Variants in LEO1 observed in about 807,000 individuals in gnomAD.
The protein encoded by LEO1 is RNA polymerase-associated protein LEO1.
A neutral mutation model predicts 80.4 loss-of-function variants in LEO1; 34 were observed. That is an observed-to-expected ratio of 0.42 (90% CI 0.32 to 0.56). LEO1 has a LOEUF of 0.56. LEO1 is among the 20% of genes least tolerant of loss of function. The pLI is 0.10. For synonymous variants in LEO1, 262 were observed against 274.9 expected, an observed-to-expected ratio of 0.95 and a Z score of 0.46; for missense variants, 631 against 814.2, an observed-to-expected ratio of 0.77 and a Z score of 2.74.
chr15:51,961,483 C>T (rs1402982849), intron 3 of LEO1, among the ~76,000 whole-genome samples: 2 of 151,936 alleles, frequency 1.3e-5, no homozygotes, highest in Non-Finnish European at 2.9e-5. Flanking sequence ...ACCTCTGCCT[C>T]CCGAGCACAA....
chr15:51,949,836 A>C lies in LEO1; in HGVS notation c.1770T>G (p.Ile590Met). 6.2e-7 allele frequency: 1 copy of C among 1,613,662 alleles called. No homozygotes were observed. The highest frequency in any genetic ancestry group is 8.5e-7 in the Non-Finnish European group (1 of 1,179,988). Residue 590 changes from isoleucine to methionine, a missense_variant, in exon 10 of 12, where the codon ATT becomes ATG. By Grantham distance (10) the Ile-to-Met change is conservative. Around this residue, in one of 4 missense-constraint regions of LEO1, gnomAD observed 117 missense variants for 163.5 expected, o/e 0.72. Transcript: ENST00000299601. ...GAATGCCCCCTTTATATCGGTTTTT[A>C]ATGGCAGCCAAGCTGATGGACTCCT... Reference protein sequence around the residue: ...EGEESISLAAIKNRYKGGIRE... With the variant: ...EGEESISLAAMKNRYKGGIRE...
At chr15:51,952,875 T>C (rs576806634) in intron 8 of LEO1, among the ~76,000 whole-genome samples, 1 of 152,346 alleles carries the variant, frequency 6.6e-6, no homozygotes, top group East Asian at 1.9e-4. Flanking sequence ...ACCACTGGAA[T>C]TAAATACATT....
rs1317577249 is a variant in LEO1 at position 51,966,062 on chromosome 15, C to T, written c.501G>A (p.Arg167=). Residue 167 remains arginine (R), a synonymous_variant, in exon 2 of 12, where the codon AGG becomes AGA. Coordinates refer to ENST00000299601, the MANE Select transcript of LEO1 (RefSeq NM_138792.4). ...EKIQNSDDEE[R]AQGSDEDKLQ... ...GCTTATCTTCATCAGATCCTTGTGC[C>T]CTCTCCTCATCATCAGAATTTTGTA... is the stretch of plus-strand genomic sequence containing the variant. 1.2e-6 allele frequency: 2 copies of T among 1,613,620 alleles called. No individual in the cohort carries two copies. Among genetic ancestry groups the T allele is most frequent in the Non-Finnish European group, 1.7e-6 (2 of 1,179,958 alleles).
rs572000222 is a variant in LEO1 at position 51,966,221 on chromosome 15, A to C, written c.342T>G (p.Asn114Lys). ...ATCTATGACCTTCGTCTTCATCATC[A>C]TTAGGGGCTTCTGATCCACTGTGCT... ...VDQHSGSEAP[N>K]DDEDEGHRSD... The change falls in exon 2 of 12, where the codon AAT (asparagine) becomes AAG (lysine). Residue 114 changes from asparagine (N) to lysine (K), a missense_variant. Transcript: ENST00000299601. 45 of 1,613,912 alleles carry C rather than the reference A, an allele frequency of 2.8e-5. No individual in the cohort carries two copies. In the Middle Eastern group the frequency reaches 6.6e-4, roughly 24 times the overall value.
chr15:51,945,892 G>A (rs936661596), intron 11 of LEO1, among the ~76,000 whole-genome samples: 16 of 152,090 alleles, frequency 1.1e-4, no homozygotes, highest in South Asian at 2.1e-4. Flanking sequence ...AAATTAGCCA[G>A]GCATGGTAGC....
chr15:51,966,692 C>A (rs2057080776), intron 1 of LEO1, among the ~76,000 whole-genome samples, 188 bp from the exon 2 acceptor site: 1 of 152,168 alleles, frequency 6.6e-6, no homozygotes, highest in African/African-American at 2.4e-5. Context: ...AGGCAGATCA[C>A]CTGAGGTCAG....
At chr15:51,950,050 T>C in intron 9 of LEO1, 56 bp from the exon 10 acceptor site, 1 of 1,412,174 alleles carries the variant, frequency 7.1e-7, no homozygotes, top group East Asian at 2.4e-5. Flanking sequence ...TTGTGCCCAC[T>C]TGAACCCACT....
At position 51,954,212 on chromosome 15, in the gene LEO1, C is replaced by T. The variant is rs138108227; in HGVS notation, c.1340+269G>A. ...TGCTGGGATTACAGGCGTGAGCCAC[C>T]GTGCCTGGCTCTTTTTTTTTTTTAA... On this transcript the variant is annotated intron_variant, in intron 7 of 11. Coordinates refer to ENST00000299601, the MANE Select transcript of LEO1 (RefSeq NM_138792.4). Among the ~76,000 whole-genome samples, 559 of 151,184 alleles carry T rather than the reference C, an allele frequency of 3.7e-3. 4 individuals carry two copies. The highest frequency in any genetic ancestry group is 0.013 in the African/African-American group (523 of 41,216).
At chr15:51,950,061 T>C (rs1217320083) in intron 9 of LEO1, 67 bp from the exon 10 acceptor site, 4 of 1,310,792 alleles carry the variant, frequency 3.1e-6, no homozygotes, top group Non-Finnish European at 4.2e-6. Flanking sequence ...TGAACCCACT[T>C]TTATTACAAA....
intron 11 of LEO1, among the ~76,000 whole-genome samples, chr15:51,938,774 A>G (rs184848041): frequency 6.6e-6 from 1 of 152,382 alleles, no homozygotes; most frequent in African/African-American, 2.4e-5. Flanking sequence ...ATTCTGTACA[A>G]ACGTTCTAAC....
At position 51,951,435 on chromosome 15, in the gene LEO1, T is replaced by C. The variant is rs559641035; in HGVS notation, c.1611+409A>G. On this transcript the variant is annotated intron_variant, in intron 9 of 11. Coordinates refer to ENST00000299601, the MANE Select transcript of LEO1 (RefSeq NM_138792.4). ...AAAAACTCATAAGCTCGTCTTATTC[T>C]TTACCAGAGTCTACTTTAGGCACTC... Among the ~76,000 whole-genome samples, 15 of 152,370 alleles carry C rather than the reference T, an allele frequency of 9.8e-5. No homozygotes were observed. The East Asian group carries it at 1.9e-3, about 20-fold the overall frequency.
intron 6 of LEO1, 51 bp from the exon 7 acceptor site, chr15:51,954,626 G>T: frequency 8.1e-7 from 1 of 1,231,750 alleles, no homozygotes; most frequent in Non-Finnish European, 1.2e-6. Flanking sequence ...ATGACTCTAT[G>T]CATCTTGTTT....
intron 1 of LEO1, 72 bp downstream of exon 1, chr15:51,971,616 C>A: frequency 6.7e-7 from 1 of 1,497,194 alleles, no homozygotes; most frequent in South Asian, 1.1e-5. Context: ...GGCGCTGGAG[C>A]CTCCACGGTT....
intron 6 of LEO1, among the ~76,000 whole-genome samples, chr15:51,957,911 C>T (rs565224404): frequency 1.5e-4 from 23 of 151,992 alleles, no homozygotes; most frequent in African/African-American, 5.6e-4. Context: ...GTCTCAGCTA[C>T]TTGGGAGGCT....
At chr15:51,958,707 TA>T in intron 6 of LEO1, 34 bp downstream of exon 6, 1 of 1,368,974 alleles carries the variant, frequency 7.3e-7, no homozygotes, top group Non-Finnish European at 1.0e-6. Flanking sequence ...TTTTACTTTA[TA>T]AAAGAAAAAA....
intron 9 of LEO1, 150 bp from the exon 10 acceptor site, chr15:51,950,144 G>T: frequency 1.4e-6 from 1 of 736,572 alleles, no homozygotes; most frequent in Non-Finnish European, 2.2e-6. Flanking sequence ...GGCTCCACAG[G>T]GACCCTCTGG....
rs1296158983 is a variant in LEO1, at chr15:51,947,275, A to C, written c.1896+17T>G. On this transcript the variant is annotated intron_variant, in intron 11 of 11. Coordinates refer to ENST00000299601, the MANE Select transcript of LEO1 (RefSeq NM_138792.4). ...AGTACAGGATAAACCCCTAGAATTG[A>C]ATAAATTTGGTCTTACCTCATCACT... The C allele has an allele frequency of 2.1e-5, 33 of 1,546,206 alleles. No homozygotes were observed. Among genetic ancestry groups the C allele is most frequent in the Non-Finnish European group, 2.9e-5 (32 of 1,118,554 alleles).
At position 51,953,047 on chromosome 15, in the gene LEO1, A is replaced by G. The variant is rs1189837145; in HGVS notation, c.1475+82T>C. On this transcript the variant is annotated intron_variant, in intron 8 of 11. Coordinates refer to ENST00000299601, the MANE Select transcript of LEO1 (RefSeq NM_138792.4). Reference sequence around the variant, plus strand: ...TGAATCATACCGTGGGGTTACATCAATCAGGTGGCAGGCATTACAGAAACA... The same window carrying G: ...TGAATCATACCGTGGGGTTACATCAGTCAGGTGGCAGGCATTACAGAAACA... 7 of 1,146,798 alleles carry G rather than the reference A, an allele frequency of 6.1e-6. No homozygotes were observed. In the East Asian group the frequency reaches 1.4e-4, roughly 24 times the overall value. The allele number at this position is 1,146,798 out of a possible 1,614,324, so 71.0% of individuals were successfully genotyped here. A position where few individuals can be genotyped will look rare whatever the true frequency, so the allele number is the denominator to read the frequency against.
chr15:51,938,555 C>A (rs2056821051), intron 11 of LEO1, among the ~76,000 whole-genome samples: 1 of 152,232 alleles, frequency 6.6e-6, no homozygotes, highest in South Asian at 2.1e-4. Flanking sequence ...ATATTTTTAC[C>A]ATGATCAGGT....
Sources: allele counts gnomAD v4.1 joint callset (sites outside exome capture counted in the v4.1 genomes callset), GRCh38; gene constraint gnomAD v4.1.1; regional missense constraint gnomAD v4.1.1; transcripts MANE v1.5; gene names NCBI Gene and HGNC (gene_info 2026-07-23, HGNC 2026-07-21).